RELN: variants seen among roughly 807,000 people sequenced by gnomAD.
The protein encoded by RELN is reelin.
In RELN, 108 loss-of-function variants were observed where a neutral mutation model predicts 427.6. That is an observed-to-expected ratio of 0.25 (90% CI 0.22 to 0.30). RELN has a LOEUF of 0.30. Ranked by LOEUF, RELN falls within the 10% of genes least tolerant of loss-of-function variation. The pLI is 1.00. For synonymous variants in RELN, 1,524 were observed against 1,513.4 expected (o/e 1.01, Z -0.16); for missense variants, 3,715 against 4,302.8 (o/e 0.86, Z 3.82).
chr7:103,950,364 A>T (rs186393343), intron 1 of RELN, among the ~76,000 whole-genome samples: 349 of 152,280 alleles, frequency 2.3e-3, no homozygotes, highest in African/African-American at 8.1e-3. Flanking sequence ...ATTTAATGAG[A>T]TTTTACTATA....
intron 19 of RELN, among the ~76,000 whole-genome samples, chr7:103,634,494 G>T (rs1319722354): frequency 6.6e-6 from 1 of 152,032 alleles, no homozygotes; most frequent in African/African-American, 2.4e-5. Flanking sequence ...TTACTATTCT[G>T]CCAACATTGA....
intron 7 of RELN, among the ~76,000 whole-genome samples, chr7:103,725,164 T>C (rs1390027819): frequency 6.6e-6 from 1 of 152,208 alleles, no homozygotes; most frequent in East Asian, 1.9e-4. Context: ...CTGTTCATTC[T>C]GTACTTTTTC....
chr7:103,832,383 GA>G (rs1442010972), intron 3 of RELN, among the ~76,000 whole-genome samples: 1 of 152,074 alleles, frequency 6.6e-6, no homozygotes, highest in Non-Finnish European at 1.5e-5. Context: ...GACAGTTCTA[GA>G]CAGTTGGGAC....
intron 8 of RELN, among the ~76,000 whole-genome samples, chr7:103,721,842 G>A (rs991612138): frequency 2.0e-5 from 3 of 151,978 alleles, no homozygotes; most frequent in South Asian, 2.1e-4. Flanking sequence ...AATTAAACAC[G>A]TTTATTGTGA....
chr7:103,795,623 A>G (rs1042387988), intron 3 of RELN, among the ~76,000 whole-genome samples: 1 of 152,198 alleles, frequency 6.6e-6, no homozygotes, highest in African/African-American at 2.4e-5. Flanking sequence ...AAAACATCCA[A>G]TTTCAGGAAC....
intron 22 of RELN, among the ~76,000 whole-genome samples, chr7:103,610,225 T>C (rs1447110472): frequency 6.6e-6 from 1 of 152,214 alleles, no homozygotes; most frequent in African/African-American, 2.4e-5. Context: ...AAGCCTCTGT[T>C]TCCTGGGGGA....
rs371806123 is a variant in RELN, at chr7:103,755,525, G to A, written c.545-2311C>T. 8.6e-5 allele frequency among the ~76,000 whole-genome samples: 13 copies of A among 151,708 alleles called. No individual in the cohort carries two copies. The East Asian group carries it at 2.5e-3, about 30-fold the overall frequency. ...CAGGAGGCTGAGGCAGGAGAATGGC[G>A]TGAACCCAGGAGGCGGAGCTTGCAG... is the stretch of plus-strand genomic sequence containing the variant. On this transcript the variant is annotated intron_variant, in intron 4 of 64. Coordinates refer to ENST00000428762, the MANE Select transcript of RELN (RefSeq NM_005045.4).
At chr7:103,748,813 G>A (rs558320113) in intron 6 of RELN, among the ~76,000 whole-genome samples, 2 of 152,236 alleles carry the variant, frequency 1.3e-5, no homozygotes, top group South Asian at 4.1e-4. Context: ...TTCAGATATT[G>A]TTCCAAATTA....
chr7:103,881,866 A>G (rs1262794085), intron 2 of RELN, among the ~76,000 whole-genome samples: 5 of 152,212 alleles, frequency 3.3e-5, no homozygotes, highest in African/African-American at 7.2e-5. Context: ...AGCAATGGAT[A>G]TACAAAACAC....
chr7:103,649,042 T>C (rs1254900260), intron 16 of RELN, among the ~76,000 whole-genome samples: 2 of 151,870 alleles, frequency 1.3e-5, no homozygotes, highest in Non-Finnish European at 1.5e-5. Context: ...TCTCAAAAAA[T>C]GAAAACTAGA....
At chr7:103,950,522 G>A (rs1402602688) in intron 1 of RELN, among the ~76,000 whole-genome samples, 1 of 152,070 alleles carries the variant, frequency 6.6e-6, no homozygotes, top group Non-Finnish European at 1.5e-5. Flanking sequence ...TTTATTTAAA[G>A]TGGTTCCTCA....
Position 103,604,833 on chromosome 7 carries a change from T to TTC in RELN, c.3009-351_3009-350insGA, listed in dbSNP as rs1345482198. Among the ~76,000 whole-genome samples the TTC allele has an allele frequency of 6.1e-5, 9 of 147,860 alleles. No individual in the cohort carries two copies. The South Asian group carries it at 1.1e-3, about 17-fold the overall frequency. On this transcript the variant is annotated intron_variant, in intron 22 of 64. Coordinates refer to ENST00000428762, the MANE Select transcript of RELN (RefSeq NM_005045.4). ...TCTACTAAACTGAACCTATCTTTCT[T>TTC]TTTTTTTTTTTTTTGAGACAGAGTC...
At chr7:103,507,186 T>C (rs1166279318) in intron 51 of RELN, among the ~76,000 whole-genome samples, 1 of 152,192 alleles carries the variant, frequency 6.6e-6, no homozygotes, top group Admixed American at 6.5e-5. Flanking sequence ...GCGGACCTAA[T>C]AGACATCTAC....
At chr7:103,987,632 G>A (rs556775669) in intron 1 of RELN, among the ~76,000 whole-genome samples, 3 of 152,106 alleles carry the variant, frequency 2.0e-5, no homozygotes, top group African/African-American at 7.2e-5. Flanking sequence ...AGAGTCGCAC[G>A]GAGCAGCAGG....
intron 2 of RELN, among the ~76,000 whole-genome samples, chr7:103,899,232 A>T (rs1351753264): frequency 1.3e-5 from 2 of 152,122 alleles, no homozygotes; most frequent in Non-Finnish European, 2.9e-5. Context: ...CCCTCCCAAG[A>T]CTAAACCAGG....
intron 22 of RELN, among the ~76,000 whole-genome samples, chr7:103,606,561 G>A (rs991832735): frequency 3.3e-5 from 5 of 152,088 alleles, no homozygotes; most frequent in African/African-American, 9.7e-5. Context: ...CTGCTGGTAC[G>A]TTGACCAAGT....
chr7:103,826,480 A>G (rs1793144597), intron 3 of RELN, among the ~76,000 whole-genome samples: 1 of 152,076 alleles, frequency 6.6e-6, no homozygotes, highest in Non-Finnish European at 1.5e-5. Flanking sequence ...CTTAATATAC[A>G]GAGACTTTAC....
Position 103,573,976 on chromosome 7 carries a change from T to C in RELN, c.4511+116A>G. The C allele has an allele frequency of 1.2e-6, 1 of 858,860 alleles. No individual in the cohort carries two copies. 53.2% of individuals were successfully genotyped at this position (858,860 alleles called of 1,614,324 possible). ...CTTCATTTTTACATATCATAATCTA[T>C]ATACAGAAACATTATTGTATATATT... On this transcript the variant is annotated intron_variant, in intron 30 of 64. Transcript: ENST00000428762. This position sits in a 1 kb window ranked among gnomAD's most constrained non-coding sequence, Gnocchi z 4.4.
At chr7:103,862,560 T>C (rs1794098098) in intron 2 of RELN, among the ~76,000 whole-genome samples, 1 of 152,068 alleles carries the variant, frequency 6.6e-6, no homozygotes, top group Non-Finnish European at 1.5e-5. Context: ...CTTTATCTTA[T>C]TTTTTCCCCA....
Sources: allele counts gnomAD v4.1 joint callset (sites outside exome capture counted in the v4.1 genomes callset), GRCh38; gene constraint gnomAD v4.1.1; non-coding constraint Gnocchi (gnomAD v3.1); transcripts MANE v1.5; gene names NCBI Gene and HGNC (gene_info 2026-07-23, HGNC 2026-07-21).